The following PAN3 variants were observed in gnomAD, a reference collection of about 807,000 sequenced individuals.
PAN3 encodes the protein poly(A) specific ribonuclease subunit PAN3.
PAN3 carries 19 observed loss-of-function variants against 96.2 expected under a neutral mutation model. That is an observed-to-expected ratio of 0.20 (90% CI 0.14 to 0.29). PAN3 has a LOEUF of 0.29. Among genes scored for constraint, PAN3 ranks in the 10% least tolerant of loss-of-function variants. The pLI, the probability that PAN3 is intolerant of heterozygous loss-of-function variation, is 1.00. For missense variants in PAN3, 882 were observed against 1,108.1 expected (o/e 0.80, Z 2.90); for synonymous variants, 433 against 406.6 (o/e 1.06, Z -0.78).
intron 5 of PAN3, among the ~76,000 whole-genome samples, chr13:28,201,243 C>T (rs997705410): frequency 2.6e-5 from 4 of 151,406 alleles, no homozygotes; most frequent in African/African-American, 7.3e-5. Context: ...GGGGTCTTGC[C>T]GTGTTGCTCA....
At chr13:28,145,607 G>A (rs556085102) in intron 1 of PAN3, among the ~76,000 whole-genome samples, 8 of 151,906 alleles carry the variant, frequency 5.3e-5, no homozygotes, top group African/African-American at 1.7e-4. Flanking sequence ...GATTATAGGC[G>A]TGACCCACTG....
chr13:28,142,793 C>G (rs1227855172), intron 1 of PAN3, among the ~76,000 whole-genome samples: 1 of 152,140 alleles, frequency 6.6e-6, no homozygotes, highest in Non-Finnish European at 1.5e-5. Context: ...TTAAGGATGT[C>G]TCTTACCTGT....
At chr13:28,194,029 C>T (rs1393858816) in intron 4 of PAN3, among the ~76,000 whole-genome samples, 2 of 151,502 alleles carry the variant, frequency 1.3e-5, no homozygotes, top group African/African-American at 2.4e-5. Context: ...TGGTGGCAGG[C>T]GTCTGTAATC....
chr13:28,193,983 C>T (rs1248623931), intron 4 of PAN3, among the ~76,000 whole-genome samples: 1 of 151,512 alleles, frequency 6.6e-6, no homozygotes, highest in African/African-American at 2.4e-5. Context: ...ATGATGAAAC[C>T]CCGTCTCTAA....
At chr13:28,187,111 G>A (rs765375986) in intron 4 of PAN3, among the ~76,000 whole-genome samples, 8 of 151,614 alleles carry the variant, frequency 5.3e-5, no homozygotes, top group Non-Finnish European at 1.2e-4. Context: ...TGGATAACTC[G>A]AGTCCAGGAG....
chr13:28,162,667 T>A (rs1873031790), intron 1 of PAN3, among the ~76,000 whole-genome samples: 1 of 150,214 alleles, frequency 6.7e-6, no homozygotes, highest in African/African-American at 2.5e-5. Context: ...AAGCATTTAA[T>A]TGAAAATAAA....
intron 17 of PAN3, among the ~76,000 whole-genome samples, chr13:28,286,681 T>C (rs1869011557): frequency 6.6e-6 from 1 of 152,246 alleles, no homozygotes; most frequent in Non-Finnish European, 1.5e-5. Flanking sequence ...ATTGTTGCTT[T>C]TTCTGATCCC....
intron 1 of PAN3, among the ~76,000 whole-genome samples, chr13:28,140,888 A>G (rs1869679419): frequency 6.6e-6 from 1 of 152,134 alleles, no homozygotes; most frequent in Non-Finnish European, 1.5e-5. Context: ...TCGAGCATCA[A>G]CTTTGCATTT....
chr13:28,216,624 A>G (rs151187961), intron 5 of PAN3, among the ~76,000 whole-genome samples: 169 of 152,308 alleles, frequency 1.1e-3, no homozygotes, highest in Non-Finnish European at 1.6e-3. Context: ...GAGCTGTCCA[A>G]TAGTTTTATG....
chr13:28,164,060 T>G (rs1353032327), intron 1 of PAN3, among the ~76,000 whole-genome samples: 6 of 152,144 alleles, frequency 3.9e-5, no homozygotes, highest in Admixed American at 2.0e-4. Flanking sequence ...GGCACTGCAC[T>G]CCAGCCTGGG....
At chr13:28,221,989 G>A (rs1427665468) in intron 6 of PAN3, among the ~76,000 whole-genome samples, 1 of 152,042 alleles carries the variant, frequency 6.6e-6, no homozygotes, top group Non-Finnish European at 1.5e-5. Context: ...CGCAATAATG[G>A]GATCCATATA....
chr13:28,220,683 G>T (rs1394853503), intron 6 of PAN3, among the ~76,000 whole-genome samples: 1 of 152,008 alleles, frequency 6.6e-6, no homozygotes, highest in African/African-American at 2.4e-5. Flanking sequence ...AAAACTTTGT[G>T]CTGTTTCACT....
intron 3 of PAN3, among the ~76,000 whole-genome samples, chr13:28,177,499 C>T (rs1428435736): frequency 6.6e-6 from 1 of 152,116 alleles, no homozygotes; most frequent in African/African-American, 2.4e-5. Context: ...CCTCACCCTC[C>T]TTTTTATCCT....
intron 6 of PAN3, among the ~76,000 whole-genome samples, chr13:28,240,939 C>T (rs1209798437): frequency 6.6e-6 from 1 of 152,192 alleles, no homozygotes; most frequent in Non-Finnish European, 1.5e-5. Context: ...TTGTCCCAGT[C>T]ATATCTTTAT....
At position 28,282,880 on chromosome 13, in the gene PAN3, G is replaced by GTTTATTTA. The variant is rs3057869; in HGVS notation, c.2384+1521_2384+1528dup. On this transcript the variant is annotated intron_variant, in intron 17 of 18. Transcript: ENST00000380958. ...GTTTTCTTGCTTTATTCCTTGGTTT[G>GTTTATTTA]TTTATTTATTTATTTATTTATTTAT... Among the ~76,000 whole-genome samples, 897 of 151,090 alleles carry GTTTATTTA rather than the reference G, an allele frequency of 5.9e-3. 9 individuals carry two copies. The highest frequency in any genetic ancestry group is 0.043 in the East Asian group (218 of 5,082).
chr13:28,249,845 G>A (rs1393553413), intron 6 of PAN3, among the ~76,000 whole-genome samples: 3 of 152,152 alleles, frequency 2.0e-5, no homozygotes, highest in Non-Finnish European at 2.9e-5. Flanking sequence ...TTCTTTTACT[G>A]TCAGTGCTTA....
At chr13:28,146,411 A>G (rs926239977) in intron 1 of PAN3, among the ~76,000 whole-genome samples, 1 of 151,738 alleles carries the variant, frequency 6.6e-6, no homozygotes, top group African/African-American at 2.4e-5. Context: ...AGATCCAGGA[A>G]CTTGAGTGGC....
In PAN3 at chr13:28,160,752, G is replaced by C. The variant is rs147744125; in HGVS notation, c.431-13520G>C. Among the ~76,000 whole-genome samples the C allele has an allele frequency of 1.2e-4, 18 of 152,342 alleles. No individual in the cohort carries two copies. In the East Asian group the frequency reaches 3.5e-3, roughly 29 times the overall value. The stretch of plus-strand genomic sequence containing the variant: ...TGAATGTTTCACAGTAAATGGATGA[G>C]AGTTTAAGAGGGAGAGATTGATCTA... On this transcript the variant is annotated intron_variant, in intron 1 of 18. Transcript: ENST00000380958.
At chr13:28,155,572 G>A (rs1055290094) in intron 1 of PAN3, among the ~76,000 whole-genome samples, 1 of 152,094 alleles carries the variant, frequency 6.6e-6, no homozygotes, top group Non-Finnish European at 1.5e-5. Context: ...CTGGGCAACA[G>A]AGTGAGACTC....
Sources: allele counts gnomAD v4.1 joint callset (sites outside exome capture counted in the v4.1 genomes callset), GRCh38; gene constraint gnomAD v4.1.1; transcripts MANE v1.5; gene names NCBI Gene and HGNC (gene_info 2026-07-23, HGNC 2026-07-21).